The following PDE10A variants were observed in gnomAD, a reference collection of about 807,000 sequenced individuals.
PDE10A encodes phosphodiesterase 10A.
In PDE10A, 39 loss-of-function variants were observed where a neutral mutation model predicts 97.7. The ratio of observed to expected loss-of-function variants is 0.40; its 90% confidence interval spans 0.31 to 0.52. The LOEUF (loss-of-function observed/expected upper bound fraction) is 0.52. Among genes scored for constraint, PDE10A ranks in the 20% least tolerant of loss-of-function variants. PDE10A has a pLI of 0.56. For missense variants in PDE10A, 731 were observed against 1,047.8 expected (o/e 0.70, Z 4.17); for synonymous variants, 371 against 376.8 (o/e 0.98, Z 0.18).
rs141288909 is a variant in PDE10A at position 165,653,541 on chromosome 6, G to A, written c.865+8406C>T. 2.0e-4 allele frequency among the ~76,000 whole-genome samples: 30 copies of A among 152,304 alleles called. No individual in the cohort carries two copies. The East Asian group carries it at 5.6e-3, about 28-fold the overall frequency. ...GGAGAGAGACAGAGCAGAAAGGCCA[G>A]AGAGCTGCAGGGCCTGAGAGCTCCA... On this transcript the variant is annotated intron_variant, in intron 1 of 21. Coordinates refer to ENST00000539869, the MANE Select transcript of PDE10A (RefSeq NM_001385079.1).
Position 165,330,663 on chromosome 6 carries a change from A to G in PDE10A, c.*2362T>C, listed in dbSNP as rs1351566976. The G allele has an allele frequency of 6.6e-6, 1 of 152,222 alleles. No individual in the cohort carries two copies. The highest frequency in any genetic ancestry group is 2.4e-5 in the African/African-American group (1 of 41,470). The allele number at this position is 152,222 out of a possible 1,614,324, so 9.4% of individuals were successfully genotyped here. ...TAGAGATTACATAATACACTTGACT[A>G]TAATAAATTAAGAGAATTTTCTGTA... On this transcript the variant is annotated 3_prime_UTR_variant, in exon 22 of 22. Transcript: ENST00000539869.
At chr6:165,348,129 G>A (rs995839553) in intron 18 of PDE10A, among the ~76,000 whole-genome samples, 4 of 152,156 alleles carry the variant, frequency 2.6e-5, no homozygotes, top group African/African-American at 9.7e-5. Context: ...CTGGGACTAA[G>A]AGAATAAACA....
intron 2 of PDE10A, among the ~76,000 whole-genome samples, chr6:165,505,422 C>G (rs1036895456): frequency 6.6e-6 from 1 of 152,114 alleles, no homozygotes; most frequent in East Asian, 1.9e-4. Flanking sequence ...AATAAGCCAA[C>G]CACTGTATAC....
At chr6:165,802,650 A>T (rs1779013620) in intron 1 of PDE10A, among the ~76,000 whole-genome samples, 1 of 152,204 alleles carries the variant, frequency 6.6e-6, no homozygotes, top group Non-Finnish European at 1.5e-5. Flanking sequence ...TAAAGCTCAG[A>T]CTTTATCAGC....
chr6:165,622,903 G>C (rs117157925), intron 1 of PDE10A, among the ~76,000 whole-genome samples: 2 of 152,282 alleles, frequency 1.3e-5, no homozygotes, highest in Non-Finnish European at 2.9e-5. Context: ...ACTTTGTGCT[G>C]TCTTCATGAT....
At chr6:165,775,122 T>C (rs1374088767) in intron 1 of PDE10A, 1 of 152,162 alleles carries the variant, frequency 6.6e-6, no homozygotes, top group Non-Finnish European at 1.5e-5. Context: ...CCAAGTGCAA[T>C]ATGAGTATTT....
At chr6:165,729,780 T>C (rs1792383077) in intron 1 of PDE10A, among the ~76,000 whole-genome samples, 1 of 135,280 alleles carries the variant, frequency 7.4e-6, no homozygotes, top group South Asian at 2.1e-4. Flanking sequence ...TGTGGATTAC[T>C]AGGCAGAAAA....
At chr6:165,383,651 T>C (rs796129016) in intron 17 of PDE10A, among the ~76,000 whole-genome samples, 3 of 152,156 alleles carry the variant, frequency 2.0e-5, no homozygotes, top group African/African-American at 7.2e-5. Context: ...GCCCCAGAGG[T>C]GGGCCTGTGA....
At chr6:165,869,543 T>C (rs1390654299) in intron 1 of PDE10A, among the ~76,000 whole-genome samples, 2 of 152,124 alleles carry the variant, frequency 1.3e-5, no homozygotes, top group African/African-American at 4.8e-5. Context: ...ACAGATTTGA[T>C]GCGTCCCCTA....
In PDE10A at chr6:165,369,641, TG is replaced by T. The variant is rs536308156; in HGVS notation, c.2783+9552del. On this transcript the variant is annotated intron_variant, in intron 18 of 21. Coordinates refer to ENST00000539869, the MANE Select transcript of PDE10A (RefSeq NM_001385079.1). ...AGTGATGGGGAGAATGGAACCAAGT[TG>T]GAAAACACTCTGCAGGATATTATCC... Among the ~76,000 whole-genome samples, 1,232 of 143,464 alleles carry T rather than the reference TG, an allele frequency of 8.6e-3. 24 individuals are homozygous for T. Among genetic ancestry groups the T allele is most frequent in the Admixed American group, 0.032 (460 of 14,226 alleles). The allele number at this position is 143,464 out of a possible 152,430, so 94.1% of individuals were successfully genotyped here.
At chr6:165,955,474 T>C (rs111554143) in intron 1 of PDE10A, among the ~76,000 whole-genome samples, 3 of 152,320 alleles carry the variant, frequency 2.0e-5, no homozygotes, top group African/African-American at 4.8e-5. Context: ...TTAGTCACCA[T>C]GTAAAGCCTG....
chr6:165,521,739 T>C (rs1245109977), intron 2 of PDE10A, among the ~76,000 whole-genome samples: 1 of 152,104 alleles, frequency 6.6e-6, no homozygotes, highest in Non-Finnish European at 1.5e-5. Flanking sequence ...TAGAGGTTAG[T>C]TCATGAAGTT....
At chr6:165,759,140 T>C (rs1422347666) in intron 1 of PDE10A, among the ~76,000 whole-genome samples, 1 of 152,172 alleles carries the variant, frequency 6.6e-6, no homozygotes, top group African/African-American at 2.4e-5. Flanking sequence ...AACAGTTTTT[T>C]TGAGATAATA....
intron 1 of PDE10A, among the ~76,000 whole-genome samples, chr6:165,795,951 T>C (rs572436898): frequency 1.1e-3 from 164 of 152,288 alleles, no homozygotes; most frequent in African/African-American, 3.8e-3. Flanking sequence ...AGTTATAATA[T>C]GCACTATGGT....
chr6:165,459,518 T>TAGAC (rs1321709027), intron 3 of PDE10A, among the ~76,000 whole-genome samples: 42 of 80,918 alleles, frequency 5.2e-4, no homozygotes, highest in East Asian at 1.5e-3. Context: ...GATAGATAGA[T>TAGAC]AGATAGACAG....
chr6:165,583,308 T>G (rs1473430258), intron 1 of PDE10A, among the ~76,000 whole-genome samples: 2 of 152,216 alleles, frequency 1.3e-5, no homozygotes, highest in Non-Finnish European at 2.9e-5. Flanking sequence ...TTAACGTATA[T>G]TCTCTACCTC....
intron 1 of PDE10A, among the ~76,000 whole-genome samples, chr6:165,876,702 A>T (rs1356881130): frequency 6.6e-6 from 1 of 152,216 alleles, no homozygotes; most frequent in African/African-American, 2.4e-5. Flanking sequence ...AGTTCTCTTT[A>T]AGAGTGGCTG....
At position 165,824,217 on chromosome 6, in the gene PDE10A, C is replaced by T. The variant is rs115914841; in HGVS notation, c.-615+163312G>A. On this transcript the variant is annotated intron_variant, in intron 1 of 19. Transcript: ENST00000366882. ...AGCTGTCTTCACCTGTAATAGATTA[C>T]GTTCATTAAAACTTGTGTTCACTAA... Among the ~76,000 whole-genome samples, 812 of 152,232 alleles carry T rather than the reference C, an allele frequency of 5.3e-3. 8 individuals are homozygous for T. Among genetic ancestry groups the T allele is most frequent in the African/African-American group, 0.018 (746 of 41,530 alleles).
intron 1 of PDE10A, among the ~76,000 whole-genome samples, chr6:165,547,001 C>A (rs990981785): frequency 2.0e-5 from 3 of 151,922 alleles, no homozygotes; most frequent in African/African-American, 4.8e-5. Flanking sequence ...ATAAAAGGAA[C>A]CAAGACTCCA....
Sources: gnomAD v4.1 joint callset for allele counts (sites outside exome capture counted in the v4.1 genomes callset) on GRCh38, gnomAD v4.1.1 for gene constraint, MANE v1.5 for transcripts, NCBI Gene and HGNC (gene_info 2026-07-23, HGNC 2026-07-21) for gene names.